Variants in FOXK1 observed in about 807,000 individuals in gnomAD.
FOXK1 encodes the protein forkhead box protein K1.
A neutral mutation model predicts 51.9 loss-of-function variants in FOXK1; 19 were observed. The observed-to-expected ratio is 0.37, with a 90% confidence interval of 0.26 to 0.54. The LOEUF is 0.54. Ranked by LOEUF, FOXK1 falls within the 20% of genes least tolerant of loss-of-function variation. The probability of loss-of-function intolerance (pLI) is 0.87; values close to 1 mark genes in which losing one functional copy is unlikely to be tolerated. For synonymous variants in FOXK1, 537 were observed against 482.6 expected, an observed-to-expected ratio of 1.11 and a Z score of -1.48; for missense variants, 870 against 1,032.7, an observed-to-expected ratio of 0.84 and a Z score of 2.16.
rs17829256 is a variant in FOXK1 at position 4,765,173 on chromosome 7, T to A, written c.*2709T>A. 6.5e-6 allele frequency: 1 copy of A among 152,822 alleles called. No individual in the cohort carries two copies. The highest frequency in any genetic ancestry group is 1.5e-5 in the Non-Finnish European group (1 of 68,406). The allele number at this position is 152,822 out of a possible 1,614,324, so 9.5% of individuals were successfully genotyped here. On this transcript the variant is annotated 3_prime_UTR_variant, in exon 9 of 9. Transcript: ENST00000328914. ...GGCCTGGGTCCTGGATCCACTGCTC[T>A]GGGCTCATAACCATGAGATTTTGAA...
intron 1 of FOXK1, among the ~76,000 whole-genome samples, chr7:4,712,196 G>A (rs1217043504): frequency 6.6e-6 from 1 of 152,028 alleles, no homozygotes; most frequent in Non-Finnish European, 1.5e-5. Context: ...CCTCCCTGGG[G>A]TGAGACGTTC....
chr7:4,736,440 T>G (rs1780553450), intron 1 of FOXK1, among the ~76,000 whole-genome samples: 1 of 150,332 alleles, frequency 6.7e-6, no homozygotes, highest in Non-Finnish European at 1.5e-5. Flanking sequence ...TAAGACAGAG[T>G]TTTGCTCTGT....
intron 1 of FOXK1, among the ~76,000 whole-genome samples, chr7:4,724,792 G>C (rs930867533): frequency 6.6e-5 from 10 of 152,196 alleles, no homozygotes; most frequent in African/African-American, 2.4e-4. Context: ...AGAGGGGAGA[G>C]AGGAGGGAGG....
chr7:4,759,598 A>G lies in FOXK1; in HGVS notation c.1696+3A>G. The stretch of plus-strand genomic sequence containing the variant: ...GGACCTGGGCAGCGAGGCCAGAGGT[A>G]ATGCAGCCGCGGCTGGCAGCCTTCG... On this transcript the variant is annotated splice_donor_region_variant and intron_variant, in intron 7 of 8. Transcript: ENST00000328914. 4.6e-6 allele frequency: 7 copies of G among 1,533,750 alleles called. No individual in the cohort carries two copies. Among genetic ancestry groups the G allele is most frequent in the Non-Finnish European group, 6.1e-6 (7 of 1,145,012 alleles).
Position 4,762,682 on chromosome 7 carries a change from T to C in FOXK1, c.*218T>C. ...AAACAAGTTCAGACAACTGATTGTA[T>C]GATTCTGGGAATTCTTTGCTTTCCT... is the stretch of plus-strand genomic sequence containing the variant. On this transcript the variant is annotated 3_prime_UTR_variant, in exon 9 of 9. Coordinates refer to ENST00000328914, the MANE Select transcript of FOXK1 (RefSeq NM_001037165.2). This position sits in a 1 kb window ranked among gnomAD's most constrained non-coding sequence, Gnocchi z 5.7. 1 of 571,110 alleles carries C rather than the reference T, an allele frequency of 1.8e-6. No individual in the cohort carries two copies. The highest frequency in any genetic ancestry group is 2.9e-5 in the East Asian group (1 of 34,542). The allele number at this position is 571,110 out of a possible 1,614,324, so 35.4% of individuals were successfully genotyped here.
chr7:4,743,260 A>C lies in FOXK1; in HGVS notation c.746+2237A>C, dbSNP rs111458277. Among the ~76,000 whole-genome samples the C allele has an allele frequency of 5.7e-4, 87 of 152,336 alleles. No homozygotes were observed. Among genetic ancestry groups the C allele is most frequent in the African/African-American group, 2.0e-3 (84 of 41,582 alleles). The stretch of plus-strand genomic sequence containing the variant: ...TGTGAATATCCTAAAAGTCACTTTA[A>C]AGAGTGAACTGGCCGGGCGCGGTGG... On this transcript the variant is annotated intron_variant, in intron 2 of 8. Transcript: ENST00000328914. The surrounding 1 kb of genome is among the most constrained non-coding windows in gnomAD (Gnocchi z 5.3).
Position 4,733,854 on chromosome 7 carries a change from C to T in FOXK1, c.561-6984C>T, listed in dbSNP as rs563389667. Reference sequence around the variant, plus strand: ...GGGAGCCTTTCCCTGGTCTTTAGTCCGGCTGACATCCTCTCTCTGGCCGTC... The same window carrying T: ...GGGAGCCTTTCCCTGGTCTTTAGTCTGGCTGACATCCTCTCTCTGGCCGTC... On this transcript the variant is annotated intron_variant, in intron 1 of 8. Transcript: ENST00000328914. This position sits in a 1 kb window ranked among gnomAD's most constrained non-coding sequence, Gnocchi z 5.0. Among the ~76,000 whole-genome samples, 7 of 152,178 alleles carry T rather than the reference C, an allele frequency of 4.6e-5. No homozygotes were observed. Among genetic ancestry groups the T allele is most frequent in the Admixed American group, 1.3e-4 (2 of 15,278 alleles).
At chr7:4,702,576 C>A (rs1238736875) in intron 1 of FOXK1, among the ~76,000 whole-genome samples, 1 of 152,162 alleles carries the variant, frequency 6.6e-6, no homozygotes, top group Non-Finnish European at 1.5e-5. Flanking sequence ...AACTCCTGAC[C>A]TCAGGTGATC....
intron 2 of FOXK1, among the ~76,000 whole-genome samples, chr7:4,752,440 C>T (rs146443353): frequency 6.2e-4 from 94 of 152,358 alleles, no homozygotes; most frequent in South Asian, 1.4e-3. Flanking sequence ...CCACCGCACC[C>T]GGCAGACATG....
chr7:4,726,758 C>T (rs955345242), intron 1 of FOXK1, among the ~76,000 whole-genome samples: 1 of 152,212 alleles, frequency 6.6e-6, no homozygotes, highest in African/African-American at 2.4e-5. Context: ...CAAGACTTCT[C>T]TTTTCGCCCA....
At chr7:4,728,782 C>T (rs1312828464) in intron 1 of FOXK1, among the ~76,000 whole-genome samples, 2 of 148,544 alleles carry the variant, frequency 1.3e-5, no homozygotes, top group African/African-American at 2.5e-5. Context: ...TTTCTTAAGT[C>T]GGGCATGAGA....
chr7:4,740,066 A>G (rs1174372069), intron 1 of FOXK1, among the ~76,000 whole-genome samples: 1 of 152,152 alleles, frequency 6.6e-6, no homozygotes, highest in Non-Finnish European at 1.5e-5. Context: ...AGGCTGAGGC[A>G]GGTGGATCAC....
intron 1 of FOXK1, among the ~76,000 whole-genome samples, chr7:4,714,871 C>T (rs560335272): frequency 3.3e-5 from 5 of 152,224 alleles, no homozygotes; most frequent in African/African-American, 7.2e-5. Context: ...CACCTGAGTC[C>T]GATTTCTCCA....
At chr7:4,688,479 C>A (rs1292991005) in intron 1 of FOXK1, among the ~76,000 whole-genome samples, 1 of 151,978 alleles carries the variant, frequency 6.6e-6, no homozygotes, top group Non-Finnish European at 1.5e-5. Flanking sequence ...TGGCTCACTG[C>A]AACCTCCCAG....
intron 1 of FOXK1, among the ~76,000 whole-genome samples, chr7:4,688,927 A>T (rs1779855739): frequency 6.6e-6 from 1 of 150,950 alleles, no homozygotes; most frequent in East Asian, 1.9e-4. Context: ...TTGTAACATT[A>T]GCAGCTTTTG....
At chr7:4,708,318 G>T (rs939456450) in intron 1 of FOXK1, among the ~76,000 whole-genome samples, 1 of 152,142 alleles carries the variant, frequency 6.6e-6, no homozygotes, top group Non-Finnish European at 1.5e-5. Flanking sequence ...AGTGACCCCA[G>T]CCGCCCTTAG....
At position 4,721,486 on chromosome 7, in the gene FOXK1, T is replaced by G. The variant is rs113597586; in HGVS notation, c.561-19352T>G. Among the ~76,000 whole-genome samples, 299 of 152,258 alleles carry G rather than the reference T, an allele frequency of 2.0e-3. 2 individuals are homozygous for G. The highest frequency in any genetic ancestry group is 3.2e-3 in the Non-Finnish European group (215 of 68,028). On this transcript the variant is annotated intron_variant, in intron 1 of 8. Coordinates refer to ENST00000328914, the MANE Select transcript of FOXK1 (RefSeq NM_001037165.2). ...CTGTCAGTTAACTTCAGAAAGAACT[T>G]TTTCTGAAACTTTGAGAATAAGAAT... is the stretch of plus-strand genomic sequence containing the variant.
At position 4,756,940 on chromosome 7, in the gene FOXK1, G is replaced by A. The variant is rs1467795448; in HGVS notation, c.1051-54G>A. On this transcript the variant is annotated intron_variant, in intron 4 of 8. Transcript: ENST00000328914. The surrounding 1 kb of genome is among the most constrained non-coding windows in gnomAD (Gnocchi z 4.1). Reference sequence around the variant, plus strand: ...CATCTGCTGCAGATTTGAGGTGGGTGGGACTCATTTTCTGATTTGCTGGTG... The same window carrying A: ...CATCTGCTGCAGATTTGAGGTGGGTAGGACTCATTTTCTGATTTGCTGGTG... 1.3e-6 allele frequency: 2 copies of A among 1,581,110 alleles called. No homozygotes were observed. The highest frequency in any genetic ancestry group is 1.7e-6 in the Non-Finnish European group (2 of 1,160,552).
At position 4,759,420 on chromosome 7, in the gene FOXK1, GCCCGCGGGC is replaced by G. The variant is rs1324987161; in HGVS notation, c.1523_1531del (p.Pro508_Gly510del). On this transcript the variant is annotated inframe_deletion, in exon 7 of 9. Coordinates refer to ENST00000328914, the MANE Select transcript of FOXK1 (RefSeq NM_001037165.2). ...CCGCCTCCATCGTAACCTCACAGCAGCCCGCGGGCCACGCCATCCACGTCGTGCAGCAGG... is the reference window on the plus strand; with the variant it reads ...CCGCCTCCATCGTAACCTCACAGCAGCACGCCATCCACGTCGTGCAGCAGG... The G allele has an allele frequency of 1.3e-5, 21 of 1,598,014 alleles. No individual in the cohort carries two copies. The highest frequency in any genetic ancestry group is 1.7e-5 in the Non-Finnish European group (20 of 1,177,110).
Sources: allele counts gnomAD v4.1 joint callset (sites outside exome capture counted in the v4.1 genomes callset), GRCh38; gene constraint gnomAD v4.1.1; non-coding constraint Gnocchi (gnomAD v3.1); transcripts MANE v1.5; gene names NCBI Gene and HGNC (gene_info 2026-07-23, HGNC 2026-07-21).